Variants in CYP27C1 observed in about 807,000 individuals in gnomAD.
The protein encoded by CYP27C1 is cytochrome P450 family 27 subfamily C member 1, also known as cytochrome P450 27C1.
A neutral mutation model predicts 40.6 loss-of-function variants in CYP27C1; 29 were observed. The ratio of observed to expected loss-of-function variants is 0.71; its 90% CI spans 0.53 to 0.97. The LOEUF (loss-of-function observed/expected upper bound fraction) is 0.97, where lower values mean the gene tolerates loss of function less well. Ranked by LOEUF, CYP27C1 falls within the 50% of genes least tolerant of loss-of-function variation. The probability of loss-of-function intolerance (pLI) is 0.00; values close to 1 mark genes in which losing one functional copy is unlikely to be tolerated. For missense variants in CYP27C1, 390 were observed against 485.8 expected (o/e 0.80, Z 1.85); for synonymous variants, 198 against 186.8 (o/e 1.06, Z -0.49).
At chr2:127,217,425 TAC>T (rs1422415755) in intron 1 of CYP27C1, among the ~76,000 whole-genome samples, 2 of 152,242 alleles carry the variant, frequency 1.3e-5, no homozygotes, top group Non-Finnish European at 2.9e-5. Context: ...TTGTTATTAT[TAC>T]AGTTTCATAA....
chr2:127,216,058 T>C (rs989699789), intron 1 of CYP27C1, among the ~76,000 whole-genome samples: 1 of 152,118 alleles, frequency 6.6e-6, no homozygotes, highest in African/African-American at 2.4e-5. Context: ...GACAGGGATG[T>C]AGAAAAATCA....
Position 127,199,539 on chromosome 2 carries a change from C to G in CYP27C1, c.884G>C (p.Ser295Thr), listed in dbSNP as rs1439172103. 1.9e-6 allele frequency: 3 copies of G among 1,612,054 alleles called. No homozygotes were observed. The highest frequency in any genetic ancestry group is 2.5e-6 in the Non-Finnish European group (3 of 1,178,712). ...CRSWDGLFKF[S>T]QIHVDNKLRD... The stretch of plus-strand genomic sequence containing the variant: ...CAACTTGTTGTCAACATGAATTTGG[C>G]CTGTTTGAAAACAGTATTTCTTTTG... Residue 295 changes from serine (S) to threonine (T), a missense_variant and splice_region_variant, in exon 5 of 9, where the codon AGC (serine) becomes ACC (threonine). By Grantham distance (58) the Ser-to-Thr change is moderately conservative (BLOSUM62 1). Transcript: ENST00000664447.
intron 5 of CYP27C1, among the ~76,000 whole-genome samples, chr2:127,197,913 T>C (rs184456606): frequency 1.7e-4 from 26 of 152,002 alleles, no homozygotes; most frequent in African/African-American, 6.0e-4. Context: ...ATGTTAACTA[T>C]CTAGTGTGTT....
chr2:127,197,822 T>G (rs1269865006), intron 5 of CYP27C1, among the ~76,000 whole-genome samples: 1 of 152,098 alleles, frequency 6.6e-6, no homozygotes, highest in Admixed American at 6.6e-5. Context: ...ATTAATTGTA[T>G]CATATTACAC....
At position 127,196,357 on chromosome 2, in the gene CYP27C1, G is replaced by A. The variant is rs1242558809; in HGVS notation, c.1048-856C>T. ...ATTACAGGCGTGAGCCACCACGCCC[G>A]GTCAGCCATGTCATTTTTTATACCT... On this transcript the variant is annotated intron_variant, in intron 5 of 8. Transcript: ENST00000664447. This position sits in a 1 kb window ranked among gnomAD's most constrained non-coding sequence, Gnocchi z 4.5. 6.6e-6 allele frequency among the ~76,000 whole-genome samples: 1 copy of A among 152,042 alleles called. No homozygotes were observed. The highest frequency in any genetic ancestry group is 1.9e-4 in the East Asian group (1 of 5,196).
At chr2:127,205,397 G>A (rs1032998305) in intron 2 of CYP27C1, among the ~76,000 whole-genome samples, 4 of 152,180 alleles carry the variant, frequency 2.6e-5, no homozygotes, top group African/African-American at 9.7e-5. Flanking sequence ...CCTGGCCGCG[G>A]GCCACGATCT....
Position 127,193,196 on chromosome 2 carries a change from T to A in CYP27C1, c.1395A>T (p.Leu465Phe). The A allele has an allele frequency of 1.2e-6, 2 of 1,614,162 alleles. No individual in the cohort carries two copies. The highest frequency in any genetic ancestry group is 1.7e-6 in the Non-Finnish European group (2 of 1,180,040). Reference protein sequence around the residue: ...RPERWLRKGDLDRVDNFGSIP... With the variant: ...RPERWLRKGDFDRVDNFGSIP... Reference sequence around the variant, plus strand: ...TGGATCCAAAATTGTCAACTCTATCTAAGTCTCCTTTCCGCAGCCAGCGCT... The same window carrying A: ...TGGATCCAAAATTGTCAACTCTATCAAAGTCTCCTTTCCGCAGCCAGCGCT... The change falls in exon 8 of 9, where the codon TTA becomes TTT. Residue 465 changes from leucine (L) to phenylalanine (F), a missense_variant. Transcript: ENST00000664447.
chr2:127,214,558 C>T (rs1258719094), intron 1 of CYP27C1, among the ~76,000 whole-genome samples: 5 of 152,062 alleles, frequency 3.3e-5, no homozygotes, highest in African/African-American at 9.7e-5. Flanking sequence ...CCTCAGCAAA[C>T]TAACACAGGA....
Position 127,200,208 on chromosome 2 carries a change from G to C in CYP27C1, c.884-669C>G, listed in dbSNP as rs1488954417. 6.6e-6 allele frequency among the ~76,000 whole-genome samples: 1 copy of C among 152,216 alleles called. No individual in the cohort carries two copies. Among genetic ancestry groups the C allele is most frequent in the Non-Finnish European group, 1.5e-5 (1 of 68,044 alleles). ...TTGGCCAGGCTGGTCTTTAACTACTGACCTCAGGTGATCCTCCCACCTCGG... is the reference window on the plus strand; with the variant it reads ...TTGGCCAGGCTGGTCTTTAACTACTCACCTCAGGTGATCCTCCCACCTCGG... On this transcript the variant is annotated intron_variant, in intron 4 of 8. Coordinates refer to ENST00000664447, the MANE Select transcript of CYP27C1 (RefSeq NM_001367502.1). This position sits in a 1 kb window ranked among gnomAD's most constrained non-coding sequence, Gnocchi z 4.2.
intron 2 of CYP27C1, among the ~76,000 whole-genome samples, chr2:127,204,472 GAAAGA>G (rs1558930990): frequency 0.024 from 1,682 of 68,750 alleles, 162 homozygotes; most frequent in Admixed American, 0.03. Flanking sequence ...AAGAAAGAAA[GAAAGA>G]AAGAAAGAAA....
In CYP27C1 at chr2:127,204,554, AG is replaced by A. The variant is rs1185966697; in HGVS notation, c.474-984del. On this transcript the variant is annotated intron_variant, in intron 2 of 8. Coordinates refer to ENST00000664447, the MANE Select transcript of CYP27C1 (RefSeq NM_001367502.1). ...GAAAGAAAGAGAGAGAGAGAGAGAGAGAGAAAGAAAGAAAGAAAGAAAGAAA... is the reference window on the plus strand; with the variant it reads ...GAAAGAAAGAGAGAGAGAGAGAGAGAAGAAAGAAAGAAAGAAAGAAAGAAA... Among the ~76,000 whole-genome samples, 54 of 70,850 alleles carry A rather than the reference AG, an allele frequency of 7.6e-4. 2 individuals carry two copies. Among genetic ancestry groups the A allele is most frequent in the African/African-American group, 3.0e-3 (51 of 16,834 alleles). The allele number at this position is 70,850 out of a possible 152,430, so 46.5% of individuals were successfully genotyped here.
chr2:127,211,527 C>A (rs932864555), intron 1 of CYP27C1, among the ~76,000 whole-genome samples: 1 of 151,726 alleles, frequency 6.6e-6, no homozygotes, highest in Non-Finnish European at 1.5e-5. Context: ...GGACTACAGG[C>A]GCCCGCTACC....
intron 2 of CYP27C1, 124 bp from the exon 3 acceptor site, chr2:127,203,695 A>G: frequency 1.0e-6 from 1 of 965,300 alleles, no homozygotes; most frequent in South Asian, 1.7e-5. Flanking sequence ...ACAAAGTAGA[A>G]TTAAGACAGG....
chr2:127,187,347 T>C lies in CYP27C1; in HGVS notation c.1538A>G (p.Asn513Ser), dbSNP rs369827809. Residue 513 changes from asparagine (N) to serine (S), a missense_variant, in exon 9 of 9, where the codon AAT (asparagine) becomes AGT (serine). Transcript: ENST00000664447. ...CCCGTGGGTTTTTGCATGAACAGCA[T>C]TGGTCTGAGAAGATGTTTTGATCTC... ...HFEIKTSSQT[N>S]AVHAKTHGLL... The C allele has an allele frequency of 5.0e-6, 8 of 1,614,090 alleles. No homozygotes were observed. The Admixed American group carries it at 5.0e-5, about 10-fold the overall frequency.
rs1683004066 is a variant in CYP27C1, at chr2:127,200,262, G to A, written c.884-723C>T. 6.6e-6 allele frequency among the ~76,000 whole-genome samples: 1 copy of A among 152,230 alleles called. No homozygotes were observed. The highest frequency in any genetic ancestry group is 1.5e-5 in the Non-Finnish European group (1 of 68,036). On this transcript the variant is annotated intron_variant, in intron 4 of 8. Transcript: ENST00000664447. The surrounding 1 kb of genome is among the most constrained non-coding windows in gnomAD (Gnocchi z 4.2). ...CCCAAAGTGCTGGGATTACAGGCGTGAGCCACTGCACCCAGCCTAAATATT... is the reference window on the plus strand; with the variant it reads ...CCCAAAGTGCTGGGATTACAGGCGTAAGCCACTGCACCCAGCCTAAATATT...
Position 127,218,672 on chromosome 2 carries a change from G to A in CYP27C1, c.282+1317C>T, listed in dbSNP as rs1683489530. On this transcript the variant is annotated intron_variant, in intron 1 of 8. Coordinates refer to ENST00000664447, the MANE Select transcript of CYP27C1 (RefSeq NM_001367502.1). The surrounding 1 kb of genome is among the most constrained non-coding windows in gnomAD (Gnocchi z 6.0). The stretch of plus-strand genomic sequence containing the variant: ...CTGATGGAACGAATGAATGACTGAA[G>A]CCCAGGTGGGTAGTTAGAAGAGGCT... Among the ~76,000 whole-genome samples, 2 of 152,220 alleles carry A rather than the reference G, an allele frequency of 1.3e-5. No individual in the cohort carries two copies. Among genetic ancestry groups the A allele is most frequent in the South Asian group, 4.1e-4 (2 of 4,836 alleles).
At chr2:127,194,373 C>T (rs1045244130) in intron 6 of CYP27C1, among the ~76,000 whole-genome samples, 11 of 152,068 alleles carry the variant, frequency 7.2e-5, no homozygotes, top group African/African-American at 2.4e-4. Flanking sequence ...TATAGGTTGA[C>T]GGTCATTATC....
rs1683024221 is a variant in CYP27C1, at chr2:127,201,153, G to A, written c.852C>T (p.Phe284=). Reference sequence around the variant, plus strand: ...TGAAGAGTCCATCCCAGGACCTGCAGAATTCCCGCCAGGGCTTTGGGATGA... The same window carrying A: ...TGAAGAGTCCATCCCAGGACCTGCAAAATTCCCGCCAGGGCTTTGGGATGA... ...RPFIPKPWRE[F]CRSWDGLFKF... The change falls in exon 4 of 9, where the codon TTC becomes TTT. Residue 284 remains phenylalanine, a synonymous_variant. Coordinates refer to ENST00000664447, the MANE Select transcript of CYP27C1 (RefSeq NM_001367502.1). The surrounding 1 kb of genome is among the most constrained non-coding windows in gnomAD (Gnocchi z 6.0). The A allele has an allele frequency of 6.2e-7, 1 of 1,613,780 alleles. No individual in the cohort carries two copies. The highest frequency in any genetic ancestry group is 8.5e-7 in the Non-Finnish European group (1 of 1,180,040).
At chr2:127,217,761 AGAGCCCTT>A (rs1372162506) in intron 1 of CYP27C1, among the ~76,000 whole-genome samples, 3 of 152,222 alleles carry the variant, frequency 2.0e-5, no homozygotes, top group Non-Finnish European at 4.4e-5. Context: ...GTGAACACTA[AGAGCCCTT>A]GTTTAGCTAA....
Sources: allele counts gnomAD v4.1 joint callset (sites outside exome capture counted in the v4.1 genomes callset), GRCh38; gene constraint gnomAD v4.1.1; non-coding constraint Gnocchi (gnomAD v3.1); transcripts MANE v1.5; gene names NCBI Gene and HGNC (gene_info 2026-07-23, HGNC 2026-07-21).